The following ASH1L variants were observed in gnomAD, a reference collection of about 807,000 sequenced individuals.
ASH1L encodes ASH1 like histone lysine methyltransferase.
ASH1L carries 23 observed loss-of-function variants against 269.0 expected under a neutral mutation model. The ratio of observed to expected loss-of-function variants is 0.09; its 90% CI spans 0.06 to 0.12. The LOEUF is 0.12. Among genes scored for constraint, ASH1L ranks in the 10% least tolerant of loss-of-function variants. ASH1L has a pLI of 1.00. For missense variants in ASH1L, 2,912 were observed against 3,567.8 expected, an observed-to-expected ratio of 0.82 and a Z score of 4.68; for synonymous variants, 1,187 against 1,253.5, an observed-to-expected ratio of 0.95 and a Z score of 1.12.
At chr1:155,438,294 T>C (rs1662257079) in intron 5 of ASH1L, 33 bp downstream of exon 5, 2 of 1,509,838 alleles carry the variant, frequency 1.3e-6, no homozygotes, top group Admixed American at 4.7e-5. Flanking sequence ...GCTAGTTTCC[T>C]CTACTCAGAT....
intron 1 of ASH1L, among the ~76,000 whole-genome samples, chr1:155,533,265 T>C (rs767316031): frequency 3.3e-5 from 5 of 151,994 alleles, no homozygotes; most frequent in Non-Finnish European, 5.9e-5. Flanking sequence ...GCCAAATGTT[T>C]TACATATATT....
chr1:155,557,981 C>G (rs1571159167), intron 1 of ASH1L, among the ~76,000 whole-genome samples: 1 of 152,104 alleles, frequency 6.6e-6, no homozygotes, highest in Non-Finnish European at 1.5e-5. Context: ...AATAGCAATA[C>G]AAAGTTATTT....
intron 4 of ASH1L, among the ~76,000 whole-genome samples, chr1:155,440,207 C>G (rs985963932): frequency 6.6e-6 from 1 of 152,012 alleles, no homozygotes; most frequent in Non-Finnish European, 1.5e-5. Flanking sequence ...ACTCAGGAGG[C>G]TGAGGCGGGT....
intron 7 of ASH1L, among the ~76,000 whole-genome samples, chr1:155,386,637 GC>G (rs1174199252): frequency 2.6e-5 from 4 of 151,788 alleles, no homozygotes; most frequent in Non-Finnish European, 5.9e-5. Flanking sequence ...CAAGTGATCT[GC>G]CTGCCTTGGT....
chr1:155,406,180 G>A (rs1659271894), intron 6 of ASH1L, among the ~76,000 whole-genome samples: 2 of 149,302 alleles, frequency 1.3e-5, no homozygotes, highest in African/African-American at 4.9e-5. Context: ...CTCCAGCCTG[G>A]GCGACAGAGT....
At chr1:155,543,305 G>A (rs1326776115) in intron 1 of ASH1L, among the ~76,000 whole-genome samples, 1 of 151,694 alleles carries the variant, frequency 6.6e-6, no homozygotes, top group East Asian at 2.0e-4. Context: ...GAGGTCAGGA[G>A]TTCGACACCA....
At chr1:155,469,902 T>G (rs146977036) in intron 3 of ASH1L, among the ~76,000 whole-genome samples, 1,878 of 152,294 alleles carry the variant, frequency 0.012, 30 homozygotes, top group African/African-American at 0.043. Flanking sequence ...CTCTATACTC[T>G]TGGGAGTCTC....
intron 6 of ASH1L, among the ~76,000 whole-genome samples, chr1:155,402,871 T>C (rs1658968268): frequency 6.6e-6 from 1 of 151,270 alleles, no homozygotes; most frequent in South Asian, 2.1e-4. Flanking sequence ...ACTTTTTTTT[T>C]TTTTTTTTTT....
chr1:155,492,903 A>G (rs756432117), intron 2 of ASH1L, among the ~76,000 whole-genome samples: 1 of 151,988 alleles, frequency 6.6e-6, no homozygotes, highest in East Asian at 1.9e-4. Flanking sequence ...GCTTGCCACA[A>G]CTTTTGCCCC....
At chr1:155,454,704 G>T (rs757908088) in intron 4 of ASH1L, among the ~76,000 whole-genome samples, 1 of 152,124 alleles carries the variant, frequency 6.6e-6, no homozygotes, top group Non-Finnish European at 1.5e-5. Context: ...GGAGGTGGAG[G>T]TTGCAGTGAG....
intron 2 of ASH1L, among the ~76,000 whole-genome samples, chr1:155,513,571 C>CAAAA (rs767517719): frequency 1.2e-5 from 1 of 83,008 alleles, no homozygotes; most frequent in Non-Finnish European, 2.6e-5. Flanking sequence ...GATCCTGTAT[C>CAAAA]AAAAAAAAAA....
intron 25 of ASH1L, among the ~76,000 whole-genome samples, chr1:155,339,578 G>C (rs957401448): frequency 1.3e-5 from 2 of 152,206 alleles, no homozygotes; most frequent in Admixed American, 6.5e-5. Context: ...GGAGGGATAA[G>C]TGCACAATTT....
chr1:155,354,416 C>T, intron 16 of ASH1L, 57 bp downstream of exon 16: 4 of 1,526,054 alleles, frequency 2.6e-6, no homozygotes, highest in Non-Finnish European at 3.6e-6. Flanking sequence ...GCACTCCAGT[C>T]TGGGCAACAA....
intron 6 of ASH1L, among the ~76,000 whole-genome samples, chr1:155,402,162 A>G (rs1658915027): frequency 6.6e-6 from 1 of 152,152 alleles, no homozygotes; most frequent in South Asian, 2.1e-4. Context: ...ACAAACAAAC[A>G]AACAAACAAA....
intron 3 of ASH1L, among the ~76,000 whole-genome samples, chr1:155,475,488 C>T (rs977825821): frequency 6.6e-6 from 1 of 152,130 alleles, no homozygotes; most frequent in Non-Finnish European, 1.5e-5. Flanking sequence ...TCAGCCATAA[C>T]TAGTAACTAT....
At chr1:155,538,260 C>CACCATT (rs1377469803) in intron 1 of ASH1L, among the ~76,000 whole-genome samples, 1 of 152,100 alleles carries the variant, frequency 6.6e-6, no homozygotes, top group African/African-American at 2.4e-5. Context: ...CCAGGTTGGT[C>CACCATT]TTGAACGTCT....
chr1:155,357,112 CACACACAA>C (rs1160106708), intron 15 of ASH1L, among the ~76,000 whole-genome samples, 196 bp downstream of exon 15: 2 of 93,810 alleles, frequency 2.1e-5, no homozygotes, highest in Non-Finnish European at 3.8e-5. Flanking sequence ...CACACACACA[CACACACAA>C]AAGGGTAAGA....
intron 1 of ASH1L, among the ~76,000 whole-genome samples, chr1:155,536,900 C>G (rs1487371644): frequency 6.6e-6 from 1 of 151,784 alleles, no homozygotes; most frequent in Non-Finnish European, 1.5e-5. Context: ...AAAAAATTAG[C>G]CGGGCGTGGT....
Position 155,550,741 on chromosome 1 carries a change from T to C in ASH1L, c.-100+11412A>G, listed in dbSNP as rs184223126. ...CATATTTCCCATTTATTTAATATTG[T>C]CTATCTTACTCAAAAGGAAGCACTA... On this transcript the variant is annotated intron_variant, in intron 1 of 27. Transcript: ENST00000392403. Among the ~76,000 whole-genome samples the C allele has an allele frequency of 1.8e-4, 27 of 152,342 alleles. No homozygotes were observed. The East Asian group carries it at 4.6e-3, about 26-fold the overall frequency.
Sources: gnomAD v4.1 joint callset for allele counts (sites outside exome capture counted in the v4.1 genomes callset) on GRCh38, gnomAD v4.1.1 for gene constraint, MANE v1.5 for transcripts, NCBI Gene and HGNC (gene_info 2026-07-23, HGNC 2026-07-21) for gene names.